RAB13: variants seen among roughly 807,000 people sequenced by gnomAD.
RAB13 encodes ras-related protein Rab-13.
RAB13 carries 15 observed loss-of-function variants against 29.3 expected under a neutral mutation model. The observed-to-expected ratio is 0.51, with a 90% CI of 0.34 to 0.79. The LOEUF (loss-of-function observed/expected upper bound fraction) is 0.79, where lower values mean the gene tolerates loss of function less well. Among genes scored for constraint, RAB13 ranks in the 30% least tolerant of loss-of-function variants. The pLI is 0.01. For synonymous variants in RAB13, 82 were observed against 93.8 expected, an observed-to-expected ratio of 0.87 and a Z score of 0.73; for missense variants, 186 against 255.5, an observed-to-expected ratio of 0.73 and a Z score of 1.85.
chr1:153,983,643 C>A, intron 2 of RAB13, 62 bp from the exon 3 acceptor site: 1 of 1,414,116 alleles, frequency 7.1e-7, no homozygotes, highest in Non-Finnish European at 1.0e-6. Flanking sequence ...CGGAATAATT[C>A]TTCCTCTCTC....
upstream of RAB13, among the ~76,000 whole-genome samples, chr1:153,989,849 G>A (rs1055842962): frequency 7.3e-5 from 11 of 151,080 alleles, no homozygotes; most frequent in Non-Finnish European, 1.2e-4. Context: ...CCGAGATGGC[G>A]CCATCACACT....
intron 2 of RAB13, 98 bp downstream of exon 2, chr1:153,984,623 G>T: frequency 9.3e-7 from 1 of 1,080,354 alleles, no homozygotes; most frequent in Non-Finnish European, 1.4e-6. Flanking sequence ...TCTAGAAGGA[G>T]CAATGGGGAA....
chr1:153,982,864 C>T (rs565253301), intron 4 of RAB13, 56 bp from the exon 5 acceptor site: 13 of 1,558,726 alleles, frequency 8.3e-6, no homozygotes, highest in South Asian at 3.3e-5. Context: ...CGGTGGCTCA[C>T]GCCTGTAATC....
In RAB13 at chr1:153,984,778, A is replaced by C; in HGVS notation, c.128T>G (p.Ile43Ser). 1 of 1,612,786 alleles carries C rather than the reference A, an allele frequency of 6.2e-7. No individual in the cohort carries two copies. Among genetic ancestry groups the C allele is most frequent in the Non-Finnish European group, 8.5e-7 (1 of 1,179,414 alleles). ...ATCCACAGTGCGGATCTTGAAATCA[A>C]TTCCTAGGGGTGGAAGGTATGCACT... ...FNNTYISTIGIDFKIRTVDIE... is the reference protein window; with the variant it reads ...FNNTYISTIGSDFKIRTVDIE... Residue 43 changes from isoleucine (I) to serine (S), a missense_variant, in exon 2 of 8, where the codon ATT becomes AGT. Coordinates refer to ENST00000368575, the MANE Select transcript of RAB13 (RefSeq NM_002870.5).
chr1:153,986,266 T>C lies in RAB13; in HGVS notation c.-30A>G. On this transcript the variant is annotated 5_prime_UTR_variant, in exon 1 of 8. Coordinates refer to ENST00000368575, the MANE Select transcript of RAB13 (RefSeq NM_002870.5). ...GACACCGGGGGAGCCGGGGGAGGGG[T>C]GGGGAGCGCCCGGCACTGGTAGGCG... is the stretch of plus-strand genomic sequence containing the variant. 6.3e-7 allele frequency: 1 copy of C among 1,593,762 alleles called. No homozygotes were observed. The highest frequency in any genetic ancestry group is 8.6e-7 in the Non-Finnish European group (1 of 1,166,380).
In RAB13 at chr1:153,983,101, G is replaced by C. The variant is rs541278504; in HGVS notation, c.324+118C>G. On this transcript the variant is annotated intron_variant, in intron 4 of 7. Transcript: ENST00000368575. ...GATCCTGCCATTGCACTCCAGCCCG[G>C]GCAACAAGAGCAAAACTTCATCTCA... 3.2e-6 allele frequency: 3 copies of C among 939,934 alleles called. No individual in the cohort carries two copies. In the South Asian group the frequency reaches 4.1e-5, roughly 13 times the overall value. 58.2% of individuals were successfully genotyped at this position (939,934 alleles called of 1,614,324 possible). A position where few individuals can be genotyped will look rare whatever the true frequency, so the allele number is the denominator to read the frequency against.
In RAB13 at chr1:153,982,530, C is replaced by A. The variant is rs914493714; in HGVS notation, c.480+5G>T. 6.2e-7 allele frequency: 1 copy of A among 1,611,692 alleles called. No individual in the cohort carries two copies. Among genetic ancestry groups the A allele is most frequent in the Non-Finnish European group, 8.5e-7 (1 of 1,177,916 alleles). On this transcript the variant is annotated splice_donor_5th_base_variant and intron_variant, in intron 6 of 7. Coordinates refer to ENST00000368575, the MANE Select transcript of RAB13 (RefSeq NM_002870.5). ...CTTGGTCGGGGATGGGGGTGTGGATCTCACCTCATCCACATTCATACTGGA... is the reference window on the plus strand; with the variant it reads ...CTTGGTCGGGGATGGGGGTGTGGATATCACCTCATCCACATTCATACTGGA...
chr1:153,985,818 G>A (rs952154356), intron 1 of RAB13, among the ~76,000 whole-genome samples: 2 of 152,060 alleles, frequency 1.3e-5, no homozygotes, highest in African/African-American at 2.4e-5. Context: ...AGGGGAAGAG[G>A]GGAACAGAGA....
chr1:153,982,355 C>A, intron 7 of RAB13, 36 bp downstream of exon 7: 1 of 1,570,020 alleles, frequency 6.4e-7, no homozygotes, highest in Non-Finnish European at 8.8e-7. Flanking sequence ...ACACACACAC[C>A]CCAGAGTTGT....
At chr1:153,988,294 A>ATTTTT (rs552724489), upstream of RAB13, among the ~76,000 whole-genome samples, 1 of 107,552 alleles carries the variant, frequency 9.3e-6, no homozygotes, top group Non-Finnish European at 1.9e-5. Flanking sequence ...GCCTGGCCCT[A>ATTTTT]TTTTTTTTTT....
upstream of RAB13, among the ~76,000 whole-genome samples, chr1:153,989,405 G>C (rs1051252180): frequency 6.6e-6 from 1 of 150,520 alleles, no homozygotes; most frequent in Non-Finnish European, 1.5e-5. Context: ...GCCCGCCACC[G>C]CGCCCGGCTA....
At chr1:153,988,458 A>AT (rs1432942622), upstream of RAB13, among the ~76,000 whole-genome samples, 2 of 143,592 alleles carry the variant, frequency 1.4e-5, 1 homozygote, top group Non-Finnish European at 3.1e-5. Context: ...CACCCGGCTA[A>AT]TTTTTTGTAT....
At chr1:153,990,663 G>T, upstream of RAB13, 1 of 1,215,252 alleles carries the variant, frequency 8.2e-7, no homozygotes, top group South Asian at 1.2e-5. Flanking sequence ...TCCCCACTGC[G>T]GCGGATCAAA....
At chr1:153,982,679 C>T (rs1484730105) in intron 5 of RAB13, 40 bp downstream of exon 5, 15 of 1,613,046 alleles carry the variant, frequency 9.3e-6, no homozygotes, top group Non-Finnish European at 1.3e-5. Flanking sequence ...TCTTGGCCCT[C>T]CCAGCCCAGT....
At chr1:153,986,088 T>C in intron 1 of RAB13, 25 bp downstream of exon 1, 3 of 1,611,974 alleles carry the variant, frequency 1.9e-6, no homozygotes, top group Non-Finnish European at 2.5e-6. Flanking sequence ...AGAGTCGGGG[T>C]CTGGGACATG....
Position 153,986,270 on chromosome 1 carries a change from G to T in RAB13, c.-34C>A. ...CCGGGGGAGCCGGGGGAGGGGTGGGGAGCGCCCGGCACTGGTAGGCGGGAC... is the reference window on the plus strand; with the variant it reads ...CCGGGGGAGCCGGGGGAGGGGTGGGTAGCGCCCGGCACTGGTAGGCGGGAC... On this transcript the variant is annotated 5_prime_UTR_variant, in exon 1 of 8. Coordinates refer to ENST00000368575, the MANE Select transcript of RAB13 (RefSeq NM_002870.5). 1.3e-6 allele frequency: 2 copies of T among 1,587,458 alleles called. No homozygotes were observed. Among genetic ancestry groups the T allele is most frequent in the Admixed American group, 1.7e-5 (1 of 58,342 alleles).
chr1:153,984,717 T>C lies in RAB13; in HGVS notation c.185+4A>G. ...TGGCGAGGCATCCCAGAGGACTGAC[T>C]TACCAGACTTGTAGTTTGATCTTCT... On this transcript the variant is annotated splice_donor_region_variant and intron_variant, in intron 2 of 7. Coordinates refer to ENST00000368575, the MANE Select transcript of RAB13 (RefSeq NM_002870.5). 1 of 1,612,242 alleles carries C rather than the reference T, an allele frequency of 6.2e-7. No individual in the cohort carries two copies. Among genetic ancestry groups the C allele is most frequent in the Admixed American group, 1.7e-5 (1 of 59,754 alleles).
At chr1:153,983,718 A>T (rs1649070239) in intron 2 of RAB13, 137 bp from the exon 3 acceptor site, 3 of 725,002 alleles carry the variant, frequency 4.1e-6, no homozygotes, top group East Asian at 5.4e-5. Context: ...GGGGAACGGG[A>T]TTAAAGACAG....
At chr1:153,982,302 AACAC>A (rs56853500) in intron 7 of RAB13, 85 bp downstream of exon 7, 174,508 of 1,279,250 alleles carry the variant, frequency 0.14, 3,608 homozygotes, top group East Asian at 0.38. Context: ...TATCAACACC[AACAC>A]ACACACACAC....
Sources: gnomAD v4.1 joint callset for allele counts (sites outside exome capture counted in the v4.1 genomes callset) on GRCh38, gnomAD v4.1.1 for gene constraint, MANE v1.5 for transcripts, NCBI Gene and HGNC (gene_info 2026-07-23, HGNC 2026-07-21) for gene names.